Variants in NEGR1 observed in about 807,000 individuals in gnomAD.
NEGR1 encodes neuronal growth regulator 1.
NEGR1 carries 10 observed loss-of-function variants against 40.9 expected under a neutral mutation model. The observed-to-expected ratio is 0.24, with a 90% CI of 0.15 to 0.42. NEGR1 has a LOEUF of 0.42. Ranked by LOEUF, NEGR1 falls within the 10% of genes least tolerant of loss-of-function variation. The pLI, the probability that NEGR1 is intolerant of heterozygous loss-of-function variation, is 1.00. For synonymous variants in NEGR1, 185 were observed against 166.8 expected (o/e 1.11, Z -0.84); for missense variants, 352 against 438.9 (o/e 0.80, Z 1.77).
At position 71,439,913 on chromosome 1, in the gene NEGR1, T is replaced by TC. The variant is rs1414340430; in HGVS notation, c.941-32344dup. ...ATAAATTTTGGTCTGTTCTTGTTTT[T>TC]CTTCAGCCTCATGTAATTTTTCCTT... is the stretch of plus-strand genomic sequence containing the variant. On this transcript the variant is annotated intron_variant, in intron 6 of 6. Coordinates refer to ENST00000357731, the MANE Select transcript of NEGR1 (RefSeq NM_173808.3). 4 of 152,130 alleles carry TC rather than the reference T, an allele frequency of 2.6e-5. No individual in the cohort carries two copies. In the East Asian group the frequency reaches 7.7e-4, roughly 29 times the overall value. 9.4% of individuals were successfully genotyped at this position (152,130 alleles called of 1,614,324 possible). A position where few individuals can be genotyped will look rare whatever the true frequency, so the allele number is the denominator to read the frequency against.
chr1:71,648,973 A>C (rs1651619459), intron 4 of NEGR1, among the ~76,000 whole-genome samples: 3 of 151,450 alleles, frequency 2.0e-5, no homozygotes, highest in Non-Finnish European at 4.4e-5. Context: ...TCTAAAGACT[A>C]GTTAAATGCT....
At chr1:71,630,905 C>T (rs905668440) in intron 4 of NEGR1, among the ~76,000 whole-genome samples, 2 of 151,758 alleles carry the variant, frequency 1.3e-5, no homozygotes, top group Non-Finnish European at 2.9e-5. Context: ...TTATGTTGCC[C>T]TAATTACTCA....
intron 1 of NEGR1, among the ~76,000 whole-genome samples, chr1:72,199,154 G>GAGAC (rs1402138713): frequency 3.1e-5 from 4 of 127,262 alleles, no homozygotes; most frequent in Non-Finnish European, 6.6e-5. Context: ...GACAGACAGA[G>GAGAC]AGAGAGAGAG....
intron 2 of NEGR1, among the ~76,000 whole-genome samples, chr1:71,803,536 G>A (rs1215028778): frequency 6.6e-6 from 1 of 152,024 alleles, no homozygotes; most frequent in African/African-American, 2.4e-5. Context: ...AGCTCCATTG[G>A]TTCCTTGCTC....
chr1:72,244,552 CCCATTT>C (rs1488014932), intron 1 of NEGR1, among the ~76,000 whole-genome samples: 2 of 151,822 alleles, frequency 1.3e-5, no homozygotes, highest in Non-Finnish European at 3.0e-5. Context: ...TACCAAGACT[CCCATTT>C]GGTAATTGTA....
At chr1:72,152,134 A>G (rs1651149590) in intron 1 of NEGR1, among the ~76,000 whole-genome samples, 1 of 151,926 alleles carries the variant, frequency 6.6e-6, no homozygotes, top group Non-Finnish European at 1.5e-5. Context: ...TAAGCATAAA[A>G]TGGATCTAAA....
intron 4 of NEGR1, among the ~76,000 whole-genome samples, chr1:71,674,146 G>C (rs984263778): frequency 1.3e-5 from 2 of 152,076 alleles, no homozygotes; most frequent in African/African-American, 4.8e-5. Flanking sequence ...AGACAAATGA[G>C]TGACCTAGAT....
At chr1:71,719,394 G>A (rs569768045) in intron 3 of NEGR1, among the ~76,000 whole-genome samples, 96 of 152,100 alleles carry the variant, frequency 6.3e-4, no homozygotes, top group African/African-American at 2.1e-3. Context: ...AAAATTAATT[G>A]TCTGGCCTGT....
At chr1:72,226,920 A>G (rs751242926) in intron 1 of NEGR1, among the ~76,000 whole-genome samples, 3 of 152,110 alleles carry the variant, frequency 2.0e-5, no homozygotes, top group Non-Finnish European at 2.9e-5. Context: ...AGGAAAAATG[A>G]CCATCCATTC....
At chr1:71,813,513 T>C (rs1375886533) in intron 2 of NEGR1, among the ~76,000 whole-genome samples, 3 of 152,268 alleles carry the variant, frequency 2.0e-5, no homozygotes, top group Middle Eastern at 3.4e-3. Context: ...AATCTATAAA[T>C]TCTTTTGGAA....
intron 1 of NEGR1, among the ~76,000 whole-genome samples, chr1:72,067,446 T>C (rs1017346713): frequency 6.6e-6 from 1 of 152,132 alleles, no homozygotes; most frequent in African/African-American, 2.4e-5. Context: ...AGTATACCCA[T>C]TTTTAACTAC....
rs1646607765 is a variant in NEGR1, at chr1:72,006,488, A to G, written c.177-71177T>C. On this transcript the variant is annotated intron_variant, in intron 1 of 6. Coordinates refer to ENST00000357731, the MANE Select transcript of NEGR1 (RefSeq NM_173808.3). ...CCACCAAACCAACTGTCCTGCTCAC[A>G]TTTTCTCATGGTCAATACACAGCAT... 2.0e-5 allele frequency among the ~76,000 whole-genome samples: 3 copies of G among 152,212 alleles called. No homozygotes were observed. In the South Asian group the frequency reaches 6.2e-4, roughly 32 times the overall value.
intron 6 of NEGR1, among the ~76,000 whole-genome samples, chr1:71,586,977 A>C (rs1356763016): frequency 6.6e-6 from 1 of 152,064 alleles, no homozygotes; most frequent in African/African-American, 2.4e-5. Context: ...TGCGAGGATA[A>C]AGCAGGTTGT....
At chr1:71,766,951 T>C (rs1656154406) in intron 3 of NEGR1, among the ~76,000 whole-genome samples, 1 of 152,186 alleles carries the variant, frequency 6.6e-6, no homozygotes, top group Non-Finnish European at 1.5e-5. Context: ...ACCGTAAGTA[T>C]CCTAAGGCCT....
At chr1:71,793,072 G>C (rs929550478) in intron 2 of NEGR1, among the ~76,000 whole-genome samples, 4 of 149,312 alleles carry the variant, frequency 2.7e-5, no homozygotes, top group Admixed American at 2.0e-4. Context: ...CCTCCTTGCT[G>C]TTTCCTTAGA....
intron 6 of NEGR1, among the ~76,000 whole-genome samples, chr1:71,520,178 G>C (rs1314866239): frequency 2.6e-5 from 4 of 151,994 alleles, no homozygotes. Flanking sequence ...TGTAAATTGG[G>C]ATGAAAATGA....
intron 6 of NEGR1, among the ~76,000 whole-genome samples, chr1:71,563,786 G>T (rs931647322): frequency 6.6e-6 from 1 of 151,892 alleles, no homozygotes; most frequent in Non-Finnish European, 1.5e-5. Context: ...TTGTGAACTG[G>T]AAGTGATGGC....
intron 6 of NEGR1, among the ~76,000 whole-genome samples, chr1:71,560,566 T>G (rs1648422107): frequency 6.6e-6 from 1 of 150,650 alleles, no homozygotes; most frequent in South Asian, 2.1e-4. Flanking sequence ...CCCAGCATAT[T>G]TCAACTCCAA....
chr1:71,598,243 A>G (rs1649794894), intron 5 of NEGR1, among the ~76,000 whole-genome samples: 2 of 152,200 alleles, frequency 1.3e-5, no homozygotes, highest in African/African-American at 2.4e-5. Flanking sequence ...TTGGAGAGAC[A>G]AATCAGAAAT....
Sources: gnomAD v4.1 joint callset for allele counts (sites outside exome capture counted in the v4.1 genomes callset) on GRCh38, gnomAD v4.1.1 for gene constraint, MANE v1.5 for transcripts, NCBI Gene and HGNC (gene_info 2026-07-23, HGNC 2026-07-21) for gene names.